The following UMAD1 variants were observed in gnomAD, a reference collection of about 807,000 sequenced individuals.
UMAD1 encodes the protein UBAP1-MVB12-associated (UMA) domain containing 1.
Under a neutral mutation model 6.1 loss-of-function variants are expected in UMAD1, and 8 were observed. The observed-to-expected ratio is 1.30, with a 90% confidence interval of 0.76 to 2.35. UMAD1 has a LOEUF of 2.35. UMAD1 is among the 30% of genes most tolerant of loss of function. UMAD1 has a pLI of 0.00. For missense variants in UMAD1, 130 were observed against 78.4 expected (o/e 1.66, Z -2.49); for synonymous variants, 56 against 31.4 (o/e 1.78, Z -2.61).
At chr7:7,669,172 T>G (rs1779542898) in intron 1 of UMAD1, among the ~76,000 whole-genome samples, 1 of 151,948 alleles carries the variant, frequency 6.6e-6, no homozygotes, top group African/African-American at 2.4e-5. Flanking sequence ...GTATATAGGG[T>G]TTAGTACTAT....
chr7:7,777,090 G>A (rs1344783661), intron 2 of UMAD1, among the ~76,000 whole-genome samples: 3 of 152,068 alleles, frequency 2.0e-5, no homozygotes, highest in African/African-American at 7.2e-5. Flanking sequence ...CATTTTCAAG[G>A]TGGTATGCAG....
chr7:7,824,079 T>C (rs2115299082), intron 3 of UMAD1, among the ~76,000 whole-genome samples: 1 of 152,246 alleles, frequency 6.6e-6, no homozygotes, highest in East Asian at 1.9e-4. Flanking sequence ...ATTTTTAACC[T>C]TCCTTTCCTT....
chr7:7,736,127 C>T (rs1781355524), intron 2 of UMAD1: 1 of 152,244 alleles, frequency 6.6e-6, no homozygotes, highest in African/African-American at 2.4e-5. Flanking sequence ...TCTCTTGGGA[C>T]AAAGGCCTTC....
chr7:7,672,244 CTA>C lies in UMAD1; in HGVS notation c.-63-1063_-63-1062del, dbSNP rs1441369195. On this transcript the variant is annotated intron_variant, in intron 1 of 3. Transcript: ENST00000682710. ...CTTGTAAGGAACTGTCCTCAGAATCCTATGTGTCCTTGCAAGTACCCTTCAAC... is the reference window on the plus strand; with the variant it reads ...CTTGTAAGGAACTGTCCTCAGAATCCTGTGTCCTTGCAAGTACCCTTCAAC... 1.6e-4 allele frequency among the ~76,000 whole-genome samples: 25 copies of C among 152,266 alleles called. 1 individual carries two copies. In the South Asian group the frequency reaches 3.1e-3, roughly 19 times the overall value.
intron 2 of UMAD1, among the ~76,000 whole-genome samples, chr7:7,779,293 A>ATTG (rs1177061607): frequency 2.3e-5 from 3 of 128,812 alleles, no homozygotes; most frequent in Non-Finnish European, 5.3e-5. Context: ...CTTTTTTTTA[A>ATTG]AAAGAGATAG....
chr7:7,866,969 A>G (rs1784243197), intron 3 of UMAD1, among the ~76,000 whole-genome samples: 1 of 152,190 alleles, frequency 6.6e-6, no homozygotes, highest in African/African-American at 2.4e-5. Flanking sequence ...TAGGGGAGAT[A>G]TTAAAAGCAG....
intron 2 of UMAD1, among the ~76,000 whole-genome samples, chr7:7,751,650 T>A (rs1781680352): frequency 6.6e-6 from 1 of 152,142 alleles, no homozygotes; most frequent in South Asian, 2.1e-4. Context: ...GCCAAGGACC[T>A]TTGGCTTCAG....
At chr7:7,761,386 T>C (rs67451505) in intron 2 of UMAD1, among the ~76,000 whole-genome samples, 19,243 of 118,246 alleles carry the variant, frequency 0.16, 1,586 homozygotes, top group African/African-American at 0.27. Flanking sequence ...GTACCACTTC[T>C]TTAAGACATT....
chr7:7,782,899 T>C (rs1440457701), intron 2 of UMAD1, among the ~76,000 whole-genome samples: 1 of 145,164 alleles, frequency 6.9e-6, no homozygotes, highest in East Asian at 1.9e-4. Context: ...CCAGCTAATA[T>C]TTTTTGTATT....
At chr7:7,863,056 C>A (rs7808919) in intron 3 of UMAD1, among the ~76,000 whole-genome samples, 101,370 of 151,826 alleles carry the variant, frequency 0.67, 34,854 homozygotes, top group Middle Eastern at 0.74. Flanking sequence ...GTTGGATTAC[C>A]TTGTTAGAGA....
At chr7:7,665,111 T>A (rs568038920) in intron 1 of UMAD1, among the ~76,000 whole-genome samples, 2 of 152,336 alleles carry the variant, frequency 1.3e-5, no homozygotes, top group East Asian at 3.9e-4. Context: ...ATTTGATATA[T>A]TTACATTAAC....
chr7:7,684,201 A>C (rs545810070), intron 2 of UMAD1, among the ~76,000 whole-genome samples: 4 of 151,868 alleles, frequency 2.6e-5, no homozygotes. Flanking sequence ...TTTAGCACAG[A>C]TGCAATTTTT....
chr7:7,729,929 C>T (rs1453972461), intron 2 of UMAD1, among the ~76,000 whole-genome samples: 2 of 152,214 alleles, frequency 1.3e-5, no homozygotes, highest in East Asian at 3.8e-4. Flanking sequence ...GCTGTTTGCT[C>T]AGTCTCTCAT....
chr7:7,748,853 G>T (rs1781625298), intron 2 of UMAD1, among the ~76,000 whole-genome samples: 1 of 151,972 alleles, frequency 6.6e-6, no homozygotes, highest in South Asian at 2.1e-4. Flanking sequence ...GATACTTTAG[G>T]ATTTAGCTCT....
At chr7:7,841,668 C>A (rs916074675) in intron 3 of UMAD1, among the ~76,000 whole-genome samples, 14 of 152,142 alleles carry the variant, frequency 9.2e-5, no homozygotes, top group Admixed American at 9.2e-4. Context: ...TTCACTGGAT[C>A]ACTGGGAAAG....
chr7:7,760,951 C>G (rs1025199208), intron 2 of UMAD1, among the ~76,000 whole-genome samples: 2 of 152,098 alleles, frequency 1.3e-5, no homozygotes, highest in African/African-American at 2.4e-5. Context: ...GAAGCTATTG[C>G]AAGATACTAT....
intron 2 of UMAD1, among the ~76,000 whole-genome samples, chr7:7,767,604 T>TA (rs1284219317): frequency 6.6e-6 from 1 of 152,200 alleles, no homozygotes; most frequent in African/African-American, 2.4e-5. Context: ...TGTAGTAAAG[T>TA]GCCAGCTCTG....
intron 2 of UMAD1, among the ~76,000 whole-genome samples, chr7:7,751,674 C>A (rs1781680862): frequency 1.3e-5 from 2 of 152,138 alleles, no homozygotes; most frequent in Admixed American, 1.3e-4. Flanking sequence ...GATCTTGTAA[C>A]TGCCCTGTTT....
At chr7:7,672,807 C>T (rs1779640073) in intron 1 of UMAD1, among the ~76,000 whole-genome samples, 1 of 152,278 alleles carries the variant, frequency 6.6e-6, no homozygotes, top group Admixed American at 6.5e-5. Flanking sequence ...TGAGAATGGA[C>T]TAATACAGGT....
Sources: allele counts gnomAD v4.1 joint callset (sites outside exome capture counted in the v4.1 genomes callset), GRCh38; gene constraint gnomAD v4.1.1; transcripts MANE v1.5; gene names NCBI Gene and HGNC (gene_info 2026-07-23, HGNC 2026-07-21).